TSNARE1: variants seen among roughly 807,000 people sequenced by gnomAD.
TSNARE1 encodes the protein t-SNARE domain containing 1, also known as t-SNARE domain-containing protein 1.
Under a neutral mutation model 62.0 loss-of-function variants are expected in TSNARE1, and 49 were observed. That is an observed-to-expected ratio of 0.79 (90% CI 0.63 to 1.00). The LOEUF (loss-of-function observed/expected upper bound fraction) is 1.00, where lower values mean the gene tolerates loss of function less well. Among genes scored for constraint, TSNARE1 ranks in the 50% least tolerant of loss-of-function variants. The pLI is 0.00. For missense variants in TSNARE1, 755 were observed against 700.1 expected (o/e 1.08, Z -0.88); for synonymous variants, 328 against 294.4 (o/e 1.11, Z -1.17).
intron 6 of TSNARE1, among the ~76,000 whole-genome samples, chr8:142,326,773 A>T (rs1459614376): frequency 6.6e-6 from 1 of 152,250 alleles, no homozygotes; most frequent in East Asian, 1.9e-4. Flanking sequence ...ACTCAACAGT[A>T]AAAAGAAAAA....
chr8:142,295,459 T>C (rs78686810), intron 10 of TSNARE1, among the ~76,000 whole-genome samples: 27,833 of 152,180 alleles, frequency 0.18, 2,997 homozygotes, highest in South Asian at 0.29. Context: ...CACCCCTGTG[T>C]ATGCAGCTGG....
chr8:142,265,373 C>T (rs1011840355), intron 12 of TSNARE1, among the ~76,000 whole-genome samples: 9 of 152,158 alleles, frequency 5.9e-5, no homozygotes, highest in African/African-American at 1.7e-4. Context: ...TCGAGACTGG[C>T]TTTTTCATTA....
chr8:142,385,367 C>A (rs1837043872), intron 1 of TSNARE1, among the ~76,000 whole-genome samples: 2 of 152,194 alleles, frequency 1.3e-5, no homozygotes, highest in African/African-American at 4.8e-5. Context: ...ACCTTCAAAA[C>A]AAACCTCAGC....
chr8:142,214,596 G>T (rs887990400), intron 13 of TSNARE1, among the ~76,000 whole-genome samples: 17 of 152,238 alleles, frequency 1.1e-4, no homozygotes, highest in African/African-American at 4.1e-4. Context: ...TCTCGGTGAG[G>T]CCTGTTTAAA....
At chr8:142,278,859 G>T in intron 11 of TSNARE1, 1 of 935,288 alleles carries the variant, frequency 1.1e-6, no homozygotes, top group Non-Finnish European at 1.3e-6. Flanking sequence ...CCAGAGTGAG[G>T]CACAGCGTGG....
At chr8:142,295,149 C>T (rs971236206) in intron 10 of TSNARE1, among the ~76,000 whole-genome samples, 1 of 152,220 alleles carries the variant, frequency 6.6e-6, no homozygotes, top group Non-Finnish European at 1.5e-5. Context: ...CGAGCCTTCT[C>T]CCACCCGAGC....
In TSNARE1 at chr8:142,318,545, G is replaced by A. The variant is rs566616065; in HGVS notation, c.983C>T (p.Pro328Leu). The A allele has an allele frequency of 5.4e-5, 87 of 1,612,426 alleles. 1 individual carries two copies. In the South Asian group the frequency reaches 6.6e-4, roughly 12 times the overall value. The stretch of plus-strand genomic sequence containing the variant: ...CAGCCCCAGACCCCAGGAACATACC[G>A]GGCAGGAGCTGCGCAGCAGCTCGGC... Reference protein sequence around the residue: ...QMAELLRSSCPQERLQQERPQ... With the variant: ...QMAELLRSSCLQERLQQERPQ... Residue 328 changes from proline to leucine, a missense_variant and splice_region_variant, in exon 7 of 14, where the codon CCG becomes CTG. Transcript: ENST00000524325.
chr8:142,256,084 A>T (rs1818509959), intron 12 of TSNARE1, among the ~76,000 whole-genome samples: 1 of 99,786 alleles, frequency 1.0e-5, no homozygotes, highest in Non-Finnish European at 2.2e-5. Flanking sequence ...CACCACCACC[A>T]CCACCACTGT....
chr8:142,353,837 G>A (rs1017386123), intron 2 of TSNARE1, among the ~76,000 whole-genome samples: 4 of 152,094 alleles, frequency 2.6e-5, no homozygotes, highest in Admixed American at 2.6e-4. Context: ...CAGCAGAGAA[G>A]GGCCCCACGG....
At chr8:142,378,713 G>C (rs1448802441) in intron 1 of TSNARE1, among the ~76,000 whole-genome samples, 3 of 152,212 alleles carry the variant, frequency 2.0e-5, no homozygotes, top group Non-Finnish European at 4.4e-5. Flanking sequence ...GTTGCCCAGA[G>C]GTAACAAGGA....
chr8:142,342,156 G>A (rs932983297), intron 4 of TSNARE1, among the ~76,000 whole-genome samples: 5 of 152,254 alleles, frequency 3.3e-5, no homozygotes, highest in African/African-American at 1.2e-4. Flanking sequence ...TGTGCCAAGA[G>A]GAAGGGCTGC....
intron 1 of TSNARE1, among the ~76,000 whole-genome samples, chr8:142,401,406 C>T (rs1254920856): frequency 6.6e-6 from 1 of 151,688 alleles, no homozygotes; most frequent in African/African-American, 2.4e-5. Flanking sequence ...AAGCCACAGA[C>T]TATGCAGGAA....
chr8:142,276,831 T>C, intron 11 of TSNARE1: 1 of 985,334 alleles, frequency 1.0e-6, no homozygotes, highest in Non-Finnish European at 1.2e-6. Flanking sequence ...CCCAGGGGCA[T>C]TCTTAGCCAG....
intron 1 of TSNARE1, among the ~76,000 whole-genome samples, chr8:142,362,348 G>A (rs1248475733): frequency 1.3e-5 from 2 of 152,204 alleles, no homozygotes; most frequent in Non-Finnish European, 2.9e-5. Flanking sequence ...CACGTTGACA[G>A]CAGTAGGTCA....
At chr8:142,249,244 G>T (rs1034958276) in intron 12 of TSNARE1, among the ~76,000 whole-genome samples, 1 of 152,244 alleles carries the variant, frequency 6.6e-6, no homozygotes, top group Non-Finnish European at 1.5e-5. Flanking sequence ...TCCGGACGGG[G>T]TGAGGGCGGT....
At chr8:142,217,303 A>AAAGAAAGAAAG (rs1815895397) in intron 13 of TSNARE1, among the ~76,000 whole-genome samples, 1 of 126,646 alleles carries the variant, frequency 7.9e-6, no homozygotes, top group African/African-American at 3.3e-5. Context: ...GAAAGAAAGA[A>AAAGAAAGAAAG]AAAGAAAGAA....
intron 11 of TSNARE1, chr8:142,277,678 C>T: frequency 1.0e-6 from 1 of 985,438 alleles, no homozygotes; most frequent in Non-Finnish European, 1.2e-6. Context: ...GCAGGCCACT[C>T]AAAGCAGCTC....
At chr8:142,255,785 C>T (rs146031102) in intron 12 of TSNARE1, among the ~76,000 whole-genome samples, 520 of 37,218 alleles carry the variant, frequency 0.014, 9 homozygotes, top group Non-Finnish European at 0.029. Flanking sequence ...ACCATCACCA[C>T]CATCATCACC....
At chr8:142,351,457 T>C (rs983841706) in intron 2 of TSNARE1, among the ~76,000 whole-genome samples, 2 of 152,164 alleles carry the variant, frequency 1.3e-5, no homozygotes, top group South Asian at 4.1e-4. Flanking sequence ...GTTAAATGAC[T>C]TCATTGCAAG....
Sources: allele counts gnomAD v4.1 joint callset (sites outside exome capture counted in the v4.1 genomes callset), GRCh38; gene constraint gnomAD v4.1.1; transcripts MANE v1.5; gene names NCBI Gene and HGNC (gene_info 2026-07-23, HGNC 2026-07-21).